NFIB: variants seen among roughly 807,000 people sequenced by gnomAD.
NFIB encodes nuclear factor I B.
NFIB carries 11 observed loss-of-function variants against 61.5 expected under a neutral mutation model. The ratio of observed to expected loss-of-function variants is 0.18; its 90% confidence interval spans 0.11 to 0.30. The LOEUF is 0.30. Among genes scored for constraint, NFIB ranks in the 10% least tolerant of loss-of-function variants. The pLI is 1.00. For synonymous variants in NFIB, 260 were observed against 216.5 expected, an observed-to-expected ratio of 1.20 and a Z score of -1.76; for missense variants, 471 against 608.9, an observed-to-expected ratio of 0.77 and a Z score of 2.38.
At chr9:14,198,037 C>T (rs181149889) in intron 2 of NFIB, among the ~76,000 whole-genome samples, 20 of 152,282 alleles carry the variant, frequency 1.3e-4, no homozygotes, top group Admixed American at 7.8e-4. Flanking sequence ...ACAGAATACA[C>T]GTTGCCCCCT....
At chr9:14,497,362 A>G in the NFIB span, among the ~76,000 whole-genome samples, 44 of 152,192 alleles carry the variant, frequency 2.9e-4, 1 homozygote, top group African/African-American at 9.9e-4. Flanking sequence ...TAATGTTCAA[A>G]TCATTTTGTC....
At chr9:14,504,047 T>C in the NFIB span, among the ~76,000 whole-genome samples, 8 of 152,236 alleles carry the variant, frequency 5.3e-5, no homozygotes, top group African/African-American at 1.9e-4. Flanking sequence ...GTTTGCCAAT[T>C]ATCCCAACAC....
At chr9:14,165,293 A>G (rs2044657008) in intron 3 of NFIB, among the ~76,000 whole-genome samples, 1 of 152,178 alleles carries the variant, frequency 6.6e-6, no homozygotes, top group Non-Finnish European at 1.5e-5. Context: ...TGAGGCCAGC[A>G]AAACTTGAAT....
At chr9:14,219,960 G>T (rs1029056764) in intron 2 of NFIB, among the ~76,000 whole-genome samples, 1 of 152,118 alleles carries the variant, frequency 6.6e-6, no homozygotes, top group South Asian at 2.1e-4. Context: ...ACTATGAGAG[G>T]ATGGAACTAC....
intron 2 of NFIB, among the ~76,000 whole-genome samples, chr9:14,239,508 C>G (rs753105207): frequency 4.3e-4 from 65 of 151,998 alleles, no homozygotes; most frequent in Non-Finnish European, 3.8e-4. Flanking sequence ...TGTGTATGAT[C>G]TAATACTACA....
At chr9:14,400,600 G>A (rs909688493), upstream of NFIB, among the ~76,000 whole-genome samples, 14 of 152,156 alleles carry the variant, frequency 9.2e-5, no homozygotes, top group Middle Eastern at 6.8e-3. Context: ...AACCAAAATC[G>A]AAAGCAAACA....
chr9:14,518,084 G>C, the NFIB span, among the ~76,000 whole-genome samples: 1 of 152,178 alleles, frequency 6.6e-6, no homozygotes, highest in East Asian at 1.9e-4. Context: ...ATTTTGAATG[G>C]AATAAATATA....
chr9:14,123,545 C>T (rs1223796339), intron 7 of NFIB, among the ~76,000 whole-genome samples: 4 of 152,192 alleles, frequency 2.6e-5, no homozygotes, highest in African/African-American at 9.6e-5. Context: ...TCAGTACACA[C>T]AACCTCAGGT....
the NFIB span, among the ~76,000 whole-genome samples, chr9:14,507,538 T>G: frequency 6.6e-6 from 1 of 152,222 alleles, no homozygotes; most frequent in African/African-American, 2.4e-5. Context: ...TTTAAGGATG[T>G]CCTTAGGTTA....
intron 1 of NFIB, among the ~76,000 whole-genome samples, chr9:14,371,305 T>C (rs1259321271): frequency 1.3e-5 from 2 of 152,220 alleles, no homozygotes; most frequent in African/African-American, 4.8e-5. Context: ...AAAACACTAG[T>C]ATAAAGAACT....
chr9:14,256,214 A>G (rs10733277), intron 2 of NFIB, among the ~76,000 whole-genome samples: 150,814 of 152,326 alleles, frequency 0.99, 74,679 homozygotes, highest in East Asian at 1. Flanking sequence ...TTCCAGAGAG[A>G]TTGAATTTCA....
chr9:14,185,398 G>A (rs190483039), intron 2 of NFIB, among the ~76,000 whole-genome samples: 136 of 152,184 alleles, frequency 8.9e-4, no homozygotes, highest in Non-Finnish European at 1.4e-3. Flanking sequence ...GCCATTCATG[G>A]CACCTTGATC....
At chr9:14,131,516 G>T (rs1340415679) in intron 6 of NFIB, among the ~76,000 whole-genome samples, 1 of 152,160 alleles carries the variant, frequency 6.6e-6, no homozygotes, top group African/African-American at 2.4e-5. Flanking sequence ...GAGAGTCGCT[G>T]TGAAACACAG....
chr9:14,306,242 A>AGCG (rs1430985423), intron 2 of NFIB, among the ~76,000 whole-genome samples: 2 of 152,182 alleles, frequency 1.3e-5, no homozygotes, highest in African/African-American at 4.8e-5. Flanking sequence ...TTCTGTAAGC[A>AGCG]GCGCTGCGAC....
chr9:14,111,329 A>C (rs1054878153), intron 10 of NFIB, among the ~76,000 whole-genome samples: 3 of 152,176 alleles, frequency 2.0e-5, no homozygotes, highest in Admixed American at 2.0e-4. Flanking sequence ...AAGAAAATTA[A>C]AGCTGCCATA....
At chr9:14,491,048 G>A in the NFIB span, among the ~76,000 whole-genome samples, 42 of 152,280 alleles carry the variant, frequency 2.8e-4, no homozygotes, top group African/African-American at 1.0e-3. Flanking sequence ...ATTAAAAGAA[G>A]CCCAAATGTG....
At chr9:14,108,126 C>T (rs1327742164) in intron 10 of NFIB, among the ~76,000 whole-genome samples, 1 of 152,060 alleles carries the variant, frequency 6.6e-6, no homozygotes, top group Non-Finnish European at 1.5e-5. Context: ...AGCCAGCATA[C>T]ATGAAAAGTG....
At chr9:14,497,877 TA>T in the NFIB span, among the ~76,000 whole-genome samples, 1 of 152,210 alleles carries the variant, frequency 6.6e-6, no homozygotes, top group African/African-American at 2.4e-5. Context: ...TGCCAACTGC[TA>T]ACGGGAAGCC....
rs557698401 is a variant in NFIB at position 14,359,507 on chromosome 9, C to T, written c.108+39017G>A. 3.9e-5 allele frequency among the ~76,000 whole-genome samples: 6 copies of T among 152,330 alleles called. No homozygotes were observed. In the South Asian group the frequency reaches 1.2e-3, roughly 32 times the overall value. On this transcript the variant is annotated intron_variant, in intron 1 of 8. Transcript: ENST00000380934. The stretch of plus-strand genomic sequence containing the variant: ...GATGAGAAAGAAACAAAATCTCCCC[C>T]AGAGCTTCCAGAGGTAGCATGACCC...
Sources: allele counts gnomAD v4.1 joint callset (sites outside exome capture counted in the v4.1 genomes callset), GRCh38; gene constraint gnomAD v4.1.1; transcripts MANE v1.5; gene names NCBI Gene and HGNC (gene_info 2026-07-23, HGNC 2026-07-21).